MACF1: variants seen among roughly 807,000 people sequenced by gnomAD.
MACF1 encodes microtubule-actin cross-linking factor 1.
A neutral mutation model predicts 854.8 loss-of-function variants in MACF1; 193 were observed. The observed-to-expected ratio is 0.23, with a 90% CI of 0.20 to 0.25. MACF1 has a LOEUF of 0.25. Among genes scored for constraint, MACF1 ranks in the 10% least tolerant of loss-of-function variants. The pLI is 1.00. For synonymous variants in MACF1, 3,185 were observed against 3,226.7 expected (o/e 0.99, Z 0.44); for missense variants, 7,722 against 8,929.1 (o/e 0.86, Z 5.45).
In MACF1 at chr1:39,315,656, C is replaced by T. The variant is rs763617504; in HGVS notation, c.3414C>T (p.Asp1138=). The change falls in exon 27 of 101, where the codon GAC becomes GAT. Residue 1138 remains aspartate (D), a synonymous_variant. Transcript: ENST00000564288. ...SELNLLVEKM[D]HVYGLSTVYL... ...TGAATCTGCTGGTGGAGAAGATGGA[C>T]CATGTCTATGGTCTCTCTACTGTAT... 1.2e-6 allele frequency: 2 copies of T among 1,613,950 alleles called. No individual in the cohort carries two copies. Among genetic ancestry groups the T allele is most frequent in the African/African-American group, 1.3e-5 (1 of 74,910 alleles).
chr1:39,333,624 A>G lies in MACF1; in HGVS notation c.7036A>G (p.Thr2346Ala), dbSNP rs772102478. The G allele has an allele frequency of 1.9e-6, 3 of 1,614,128 alleles. No homozygotes were observed. The highest frequency in any genetic ancestry group is 2.2e-5 in the South Asian group (2 of 91,092). Residue 2346 changes from threonine to alanine, a missense_variant, in exon 37 of 101, where the codon ACT (threonine) becomes GCT (alanine). Transcript: ENST00000564288. ...CTCTCAGACTTGTGAGTCTTTGACAACTGAAGAAGTCATTAATGAAGGTCT... is the reference window on the plus strand; with the variant it reads ...CTCTCAGACTTGTGAGTCTTTGACAGCTGAAGAAGTCATTAATGAAGGTCT... ...FDSQTCESLTTEEVINEGLMD... is the reference protein window; with the variant it reads ...FDSQTCESLTAEEVINEGLMD...
chr1:39,179,628 A>G (rs1024852647), intron 2 of MACF1, among the ~76,000 whole-genome samples: 2 of 152,168 alleles, frequency 1.3e-5, no homozygotes, highest in Admixed American at 6.5e-5. Flanking sequence ...TGTGTGATCA[A>G]AGAGGTCAGA....
intron 1 of MACF1, among the ~76,000 whole-genome samples, chr1:39,213,424 C>T (rs1474137876): frequency 1.3e-5 from 2 of 152,242 alleles, no homozygotes; most frequent in Admixed American, 6.5e-5. Flanking sequence ...TTCTACCTCC[C>T]GGGTTCAAGC....
chr1:39,342,090 C>G (rs933016096), intron 40 of MACF1, among the ~76,000 whole-genome samples: 20 of 136,760 alleles, frequency 1.5e-4, no homozygotes, highest in African/African-American at 5.3e-4. Context: ...ATCTGTTGTT[C>G]CCCTCCTAGT....
chr1:39,424,004 A>G (rs1337434621), intron 60 of MACF1, 24 bp from the exon 61 acceptor site: 1 of 1,578,856 alleles, frequency 6.3e-7, no homozygotes, highest in East Asian at 2.3e-5. Context: ...CCTGTGTTAC[A>G]GCTTTTCATT....
At chr1:39,237,286 T>C (rs749637903) in intron 2 of MACF1, among the ~76,000 whole-genome samples, 2 of 152,216 alleles carry the variant, frequency 1.3e-5, no homozygotes, top group Non-Finnish European at 2.9e-5. Context: ...GTTCCTCAGA[T>C]TAAATCAATT....
Position 39,120,467 on chromosome 1 carries a change from A to G in MACF1, c.220+36029A>G, listed in dbSNP as rs571833435. 1.2e-4 allele frequency among the ~76,000 whole-genome samples: 18 copies of G among 151,488 alleles called. 1 individual carries two copies. The South Asian group carries it at 3.6e-3, about 30-fold the overall frequency. ...GTAACCTCTGCATTCTGGGTTCAAG[A>G]GATTCTCCTGCCTCAGCCTCCCGAG... On this transcript the variant is annotated intron_variant, in intron 2 of 93. Coordinates refer to the MACF1 transcript ENST00000361689.
intron 15 of MACF1, among the ~76,000 whole-genome samples, chr1:39,288,667 G>C (rs574586004): frequency 6.7e-6 from 1 of 150,104 alleles, no homozygotes; most frequent in South Asian, 2.1e-4. Context: ...GGCGCGCACC[G>C]GTGGTCCCAG....
rs1311698423 is a variant in MACF1, at chr1:39,485,842, A to G, written c.*48A>G. 4 of 1,507,584 alleles carry G rather than the reference A, an allele frequency of 2.7e-6. No homozygotes were observed. Among genetic ancestry groups the G allele is most frequent in the East Asian group, 4.6e-5 (2 of 43,194 alleles). The allele number at this position is 1,507,584 out of a possible 1,614,324, so 93.4% of individuals were successfully genotyped here. A position where few individuals can be genotyped will look rare whatever the true frequency, so the allele number is the denominator to read the frequency against. ...CACTATCCACTTTGAATCCTGCTCC[A>G]TACATTGGGTGTATATTTATTCTGA... On this transcript the variant is annotated 3_prime_UTR_variant, in exon 101 of 101. Transcript: ENST00000564288.
chr1:39,299,370 A>C (rs1403209469), intron 21 of MACF1: 1 of 443,112 alleles, frequency 2.3e-6, no homozygotes, highest in Non-Finnish European at 4.5e-6. Context: ...ATCCTAAGAA[A>C]GCCCTCTTCT....
Position 39,333,281 on chromosome 1 carries a change from G to C in MACF1, c.6693G>C (p.Lys2231Asn). Residue 2231 changes from lysine (K) to asparagine (N), a missense_variant, in exon 37 of 101, where the codon AAG becomes AAC. Lys to Asn is a moderately conservative substitution (Grantham distance 94, BLOSUM62 0). Transcript: ENST00000564288. ...CTCTGGACAAAAAGGAAATGTTAAA[G>C]AAAACATTTCTGGCTAAGGATGACC... ...VHPLDKKEML[K>N]KTFLAKDDHK... 3 of 1,614,042 alleles carry C rather than the reference G, an allele frequency of 1.9e-6. No homozygotes were observed. Among genetic ancestry groups the C allele is most frequent in the Non-Finnish European group, 2.5e-6 (3 of 1,180,014 alleles).
chr1:39,410,711 A>T, intron 58 of MACF1: 1 of 1,613,904 alleles, frequency 6.2e-7, no homozygotes, highest in Non-Finnish European at 8.5e-7. Context: ...GAGAGGATAG[A>T]AGCTTCTCTC....
chr1:39,471,180 G>A (rs914705084), intron 97 of MACF1, among the ~76,000 whole-genome samples: 3 of 152,248 alleles, frequency 2.0e-5, no homozygotes, highest in Non-Finnish European at 4.4e-5. Flanking sequence ...TCAGTGATGG[G>A]CAGGATGAGC....
chr1:39,452,839 C>T (rs1644364201), intron 87 of MACF1, 27 bp downstream of exon 87: 2 of 1,609,694 alleles, frequency 1.2e-6, no homozygotes, highest in Non-Finnish European at 1.7e-6. Context: ...GTTTGGTGAC[C>T]TCATGCTACC....
chr1:39,194,339 TTCTTTTCTTTTC>T (rs1200657164), intron 2 of MACF1, among the ~76,000 whole-genome samples: 6 of 68,644 alleles, frequency 8.7e-5, no homozygotes, highest in African/African-American at 2.5e-4. Context: ...TTCTTTTCTT[TTCTTTTCTTTTC>T]TTTTTTTTTT....
chr1:39,368,809 G>A (rs1648968738), intron 50 of MACF1, among the ~76,000 whole-genome samples: 1 of 151,214 alleles, frequency 6.6e-6, no homozygotes, highest in Non-Finnish European at 1.5e-5. Context: ...GCCACTTAGT[G>A]GTTTTTCTAA....
At chr1:39,099,189 C>T (rs1294043148) in intron 2 of MACF1, among the ~76,000 whole-genome samples, 3 of 152,104 alleles carry the variant, frequency 2.0e-5, no homozygotes, top group African/African-American at 4.8e-5. Flanking sequence ...GAGTTTTGCT[C>T]TTGTTGCCCA....
At chr1:39,115,309 G>GTAA (rs35409058) in intron 2 of MACF1, among the ~76,000 whole-genome samples, 3,439 of 152,228 alleles carry the variant, frequency 0.023, 63 homozygotes, top group Non-Finnish European at 0.037. Flanking sequence ...AAATAGTAAT[G>GTAA]TAATAAAGCA....
chr1:39,447,994 A>G (rs780624875), intron 82 of MACF1, 39 bp from the exon 83 acceptor site: 17 of 1,613,028 alleles, frequency 1.1e-5, no homozygotes, highest in Non-Finnish European at 1.4e-5. Context: ...TATAGTGTGT[A>G]TATTCATTCC....
Sources: allele counts gnomAD v4.1 joint callset (sites outside exome capture counted in the v4.1 genomes callset), GRCh38; gene constraint gnomAD v4.1.1; transcripts MANE v1.5; gene names NCBI Gene and HGNC (gene_info 2026-07-23, HGNC 2026-07-21).